Variants in CCDC141 observed in about 807,000 individuals in gnomAD.
CCDC141 encodes coiled-coil domain containing 141.
CCDC141 carries 168 observed loss-of-function variants against 181.0 expected under a neutral mutation model. That is an observed-to-expected ratio of 0.93 (90% CI 0.82 to 1.05). The LOEUF is 1.05. Among genes scored for constraint, CCDC141 ranks in the 50% least tolerant of loss-of-function variants. CCDC141 has a pLI of 0.00. For synonymous variants in CCDC141, 666 were observed against 642.3 expected (o/e 1.04, Z -0.56); for missense variants, 1,902 against 1,788.5 (o/e 1.06, Z -1.14).
chr2:178,817,001 T>C, the CCDC141 span, among the ~76,000 whole-genome samples: 1 of 152,194 alleles, frequency 6.6e-6, no homozygotes, highest in South Asian at 2.1e-4. Context: ...GCACATTAGA[T>C]TTCTAATGTA....
intron 7 of CCDC141, among the ~76,000 whole-genome samples, chr2:178,911,939 T>C (rs1456492111): frequency 6.6e-6 from 1 of 152,214 alleles, no homozygotes; most frequent in African/African-American, 2.4e-5. Flanking sequence ...TTGTGTTCCT[T>C]GTATATTAAA....
chr2:179,017,860 G>A (rs562930966), intron 2 of CCDC141, among the ~76,000 whole-genome samples: 7 of 152,152 alleles, frequency 4.6e-5, no homozygotes, highest in Admixed American at 3.9e-4. Flanking sequence ...CTTATAAGAA[G>A]AGCAGCCCAT....
the CCDC141 span, among the ~76,000 whole-genome samples, chr2:178,817,160 C>A: frequency 1.3e-5 from 2 of 152,132 alleles, no homozygotes; most frequent in Non-Finnish European, 2.9e-5. Flanking sequence ...GCCCCTTTAC[C>A]TAAGTGGACA....
chr2:178,857,659 A>G (rs1045166335), intron 17 of CCDC141, among the ~76,000 whole-genome samples: 1 of 148,954 alleles, frequency 6.7e-6, no homozygotes, highest in Non-Finnish European at 1.5e-5. Context: ...TATTATCACC[A>G]AAGAGAAGTA....
intron 2 of CCDC141, among the ~76,000 whole-genome samples, chr2:178,986,492 A>C (rs1365752285): frequency 1.3e-5 from 2 of 152,194 alleles, no homozygotes; most frequent in Non-Finnish European, 2.9e-5. Context: ...GAAGGAAATA[A>C]AGGGTATTCA....
Position 178,946,854 on chromosome 2 carries a change from T to C in CCDC141, c.781-2203A>G, listed in dbSNP as rs145284078. On this transcript the variant is annotated intron_variant, in intron 5 of 23. Transcript: ENST00000443758. The stretch of plus-strand genomic sequence containing the variant: ...GGAGAATGTAGTTAAAGACATACGA[T>C]AATGTTCAGTGTATCCTGTTCACGT... 3.2e-3 allele frequency among the ~76,000 whole-genome samples: 483 copies of C among 152,340 alleles called. 3 individuals carry two copies. The highest frequency in any genetic ancestry group is 0.011 in the African/African-American group (449 of 41,576).
intron 1 of CCDC141, among the ~76,000 whole-genome samples, chr2:179,049,398 TC>T (rs1229833952): frequency 6.6e-6 from 1 of 151,892 alleles, no homozygotes; most frequent in African/African-American, 2.4e-5. Flanking sequence ...AGCAGTGCCC[TC>T]CCCCTGTCTG....
At chr2:179,008,392 C>T (rs778444406) in intron 2 of CCDC141, among the ~76,000 whole-genome samples, 27 of 152,128 alleles carry the variant, frequency 1.8e-4, no homozygotes, top group Non-Finnish European at 2.9e-4. Context: ...AACCTGCTCC[C>T]GCAGCATTTG....
chr2:178,895,249 C>T (rs556375222), intron 8 of CCDC141, among the ~76,000 whole-genome samples: 229 of 152,278 alleles, frequency 1.5e-3, no homozygotes, highest in African/African-American at 5.3e-3. Flanking sequence ...TTATAAATAG[C>T]ACTGTGATGA....
chr2:178,931,903 C>T (rs555214963), intron 6 of CCDC141, among the ~76,000 whole-genome samples: 9 of 152,238 alleles, frequency 5.9e-5, no homozygotes, highest in East Asian at 5.8e-4. Flanking sequence ...TGGTGACTCA[C>T]GCGTGTAATC....
intron 2 of CCDC141, among the ~76,000 whole-genome samples, chr2:178,994,066 T>C (rs1488475216): frequency 6.6e-6 from 1 of 152,144 alleles, no homozygotes; most frequent in Non-Finnish European, 1.5e-5. Flanking sequence ...CTTTTCCAGC[T>C]TCTATTTGCA....
chr2:178,847,176 G>C (rs1057020795), intron 21 of CCDC141, among the ~76,000 whole-genome samples: 1 of 152,074 alleles, frequency 6.6e-6, no homozygotes, highest in African/African-American at 2.4e-5. Context: ...GTTCTTCTCT[G>C]TACCAATCCA....
chr2:178,836,838 T>G (rs769474115), intron 23 of CCDC141, 56 bp downstream of exon 23: 1 of 1,548,938 alleles, frequency 6.5e-7, no homozygotes, highest in South Asian at 1.3e-5. Context: ...ACAGAATGAT[T>G]TTTCTCTGTG....
At chr2:178,886,296 G>A (rs1257245341) in intron 10 of CCDC141, among the ~76,000 whole-genome samples, 1 of 152,000 alleles carries the variant, frequency 6.6e-6, no homozygotes, top group African/African-American at 2.4e-5. Flanking sequence ...TGGGGGTGGG[G>A]CACTTTCTGT....
At chr2:178,867,959 T>C (rs1575148672) in intron 16 of CCDC141, 67 bp downstream of exon 16, 23 of 1,297,870 alleles carry the variant, frequency 1.8e-5, no homozygotes, top group Non-Finnish European at 2.4e-5. Context: ...CTGCCTGGTT[T>C]CTTTCATATG....
Position 178,837,015 on chromosome 2 carries a change from C to G in CCDC141, c.4204G>C (p.Val1402Leu). ...IKSTSAKSSV[V>L]SLADQAPNFS... ...TTAGGTGCCTGGTCAGCTAGGCTGA[C>G]CACGCTGCTCTTTGCTGATGTGCTT... Residue 1402 changes from valine to leucine, a missense_variant, in exon 23 of 24, where the codon GTC becomes CTC. By Grantham distance (32) the Val-to-Leu change is conservative. Coordinates refer to ENST00000443758, the MANE Select transcript of CCDC141 (RefSeq NM_173648.4). 6.2e-7 allele frequency: 1 copy of G among 1,613,988 alleles called. No individual in the cohort carries two copies. The highest frequency in any genetic ancestry group is 8.5e-7 in the Non-Finnish European group (1 of 1,179,944).
Position 178,975,047 on chromosome 2 carries a change from T to C in CCDC141, c.526+10A>G. 7.3e-7 allele frequency: 1 copy of C among 1,365,312 alleles called. No homozygotes were observed. The highest frequency in any genetic ancestry group is 1.4e-5 in the South Asian group (1 of 73,684). The allele number at this position is 1,365,312 out of a possible 1,614,324, so 84.6% of individuals were successfully genotyped here. A position where few individuals can be genotyped will look rare whatever the true frequency, so the allele number is the denominator to read the frequency against. ...TAAACACTTCTGTGAGAAATAAACATATTTCTTGCCTTTAGTATGATGTTC... is the reference window on the plus strand; with the variant it reads ...TAAACACTTCTGTGAGAAATAAACACATTTCTTGCCTTTAGTATGATGTTC... On this transcript the variant is annotated intron_variant, in intron 4 of 23. Transcript: ENST00000443758.
chr2:178,840,361 C>T (rs1344700176), intron 22 of CCDC141, among the ~76,000 whole-genome samples: 2 of 152,198 alleles, frequency 1.3e-5, no homozygotes, highest in Non-Finnish European at 2.9e-5. Flanking sequence ...CTTCAGGTAA[C>T]CTATGACTCT....
intron 7 of CCDC141, 31 bp downstream of exon 7, chr2:178,918,682 C>T (rs1296506379): frequency 2.6e-6 from 4 of 1,533,548 alleles, no homozygotes; most frequent in Admixed American, 2.0e-5. Context: ...TGCCTGATTA[C>T]CGAAAATTAT....
Sources: allele counts gnomAD v4.1 joint callset (sites outside exome capture counted in the v4.1 genomes callset), GRCh38; gene constraint gnomAD v4.1.1; transcripts MANE v1.5; gene names NCBI Gene and HGNC (gene_info 2026-07-23, HGNC 2026-07-21).